MARCHF11: variants seen among roughly 807,000 people sequenced by gnomAD.
The protein encoded by MARCHF11 is membrane associated ring-CH-type finger 11.
Under a neutral mutation model 37.3 loss-of-function variants are expected in MARCHF11, and 29 were observed. That is an observed-to-expected ratio of 0.78 (90% CI 0.58 to 1.06). The LOEUF is 1.06. MARCHF11 is among the 50% of genes least tolerant of loss of function. The pLI is 0.00. For synonymous variants in MARCHF11, 233 were observed against 228.0 expected (o/e 1.02, Z -0.20); for missense variants, 482 against 533.4 (o/e 0.90, Z 0.95).
chr5:16,158,076 T>C (rs1446775408), intron 2 of MARCHF11, among the ~76,000 whole-genome samples: 1 of 151,878 alleles, frequency 6.6e-6, no homozygotes, highest in African/African-American at 2.4e-5. Context: ...ATATAAAAAA[T>C]GCCCAGCATT....
At chr5:16,089,362 C>G (rs1053555646) in intron 3 of MARCHF11, among the ~76,000 whole-genome samples, 2 of 152,092 alleles carry the variant, frequency 1.3e-5, no homozygotes, top group African/African-American at 2.4e-5. Context: ...TTTATTAGAG[C>G]AATGCCCTAG....
chr5:16,134,385 T>C (rs933724353), intron 2 of MARCHF11, among the ~76,000 whole-genome samples: 3 of 152,182 alleles, frequency 2.0e-5, no homozygotes, highest in African/African-American at 7.2e-5. Flanking sequence ...GTCTGATCTC[T>C]TATTGCCTTC....
At chr5:16,088,083 C>T (rs759380234) in intron 3 of MARCHF11, among the ~76,000 whole-genome samples, 2 of 152,244 alleles carry the variant, frequency 1.3e-5, no homozygotes, top group Admixed American at 6.5e-5. Context: ...GGGAGCCAAT[C>T]TCACATCTTC....
At chr5:16,100,934 T>C (rs1269396783) in intron 2 of MARCHF11, among the ~76,000 whole-genome samples, 1 of 152,178 alleles carries the variant, frequency 6.6e-6, no homozygotes, top group East Asian at 1.9e-4. Flanking sequence ...AAGAAGGTTA[T>C]GTCTAACTGA....
In MARCHF11 at chr5:16,084,614, G is replaced by A. The variant is rs1488583300; in HGVS notation, c.886+6275C>T. On this transcript the variant is annotated intron_variant, in intron 3 of 3. Coordinates refer to ENST00000332432, the MANE Select transcript of MARCHF11 (RefSeq NM_001102562.3). ...GCCAAGACCACGCCACTGCAATCCA[G>A]CCAGGGTGACAGAGCAAGACTCTGT... Among the ~76,000 whole-genome samples, 6 of 151,634 alleles carry A rather than the reference G, an allele frequency of 4.0e-5. No individual in the cohort carries two copies. In the East Asian group the frequency reaches 9.7e-4, roughly 25 times the overall value.
intron 2 of MARCHF11, among the ~76,000 whole-genome samples, chr5:16,168,150 A>C (rs926773930): frequency 6.6e-6 from 1 of 152,134 alleles, no homozygotes; most frequent in South Asian, 2.1e-4. Flanking sequence ...GTAGAGCTTT[A>C]TCATGTCCAA....
At chr5:16,100,520 G>T (rs542288917) in intron 2 of MARCHF11, among the ~76,000 whole-genome samples, 1 of 152,332 alleles carries the variant, frequency 6.6e-6, no homozygotes, top group South Asian at 2.1e-4. Flanking sequence ...AGAGCCCAGT[G>T]ATGTGGAGTG....
At chr5:16,122,972 T>G (rs1040494570) in intron 2 of MARCHF11, among the ~76,000 whole-genome samples, 1 of 152,192 alleles carries the variant, frequency 6.6e-6, no homozygotes, top group African/African-American at 2.4e-5. Context: ...CTTTCAGTGT[T>G]GATGCTGTGA....
At chr5:16,165,322 T>C (rs1366098312) in intron 2 of MARCHF11, among the ~76,000 whole-genome samples, 1 of 151,830 alleles carries the variant, frequency 6.6e-6, no homozygotes, top group Non-Finnish European at 1.5e-5. Context: ...ACAATGGCCA[T>C]ACACTCTGAA....
chr5:16,164,024 T>G (rs1579422000), intron 2 of MARCHF11, among the ~76,000 whole-genome samples: 1 of 152,180 alleles, frequency 6.6e-6, no homozygotes, highest in South Asian at 2.1e-4. Flanking sequence ...GGCTGGGCCC[T>G]CACCAGACAC....
At chr5:16,098,521 C>T (rs1447470829) in intron 2 of MARCHF11, among the ~76,000 whole-genome samples, 1 of 152,072 alleles carries the variant, frequency 6.6e-6, no homozygotes, top group African/African-American at 2.4e-5. Flanking sequence ...AATCCCAGCA[C>T]TTTGGGGAGG....
intron 2 of MARCHF11, among the ~76,000 whole-genome samples, chr5:16,094,028 T>A (rs765734036): frequency 2.0e-5 from 3 of 152,172 alleles, no homozygotes; most frequent in Non-Finnish European, 4.4e-5. Context: ...AAAATTAACA[T>A]CATTTTTGAA....
At chr5:16,151,622 G>C (rs944918443) in intron 2 of MARCHF11, among the ~76,000 whole-genome samples, 4 of 140,152 alleles carry the variant, frequency 2.9e-5, no homozygotes, top group Non-Finnish European at 4.6e-5. Flanking sequence ...GAGCATGTCT[G>C]TGTGTGTGTG....
At chr5:16,128,221 C>G (rs1365976390) in intron 2 of MARCHF11, among the ~76,000 whole-genome samples, 2 of 152,150 alleles carry the variant, frequency 1.3e-5, no homozygotes, top group African/African-American at 4.8e-5. Flanking sequence ...CACCACCAAA[C>G]AAGAAAAGGC....
At chr5:16,081,976 T>C (rs61510497) in intron 3 of MARCHF11, among the ~76,000 whole-genome samples, 4,138 of 152,244 alleles carry the variant, frequency 0.027, 172 homozygotes, top group African/African-American at 0.094. Flanking sequence ...TAACCAACTA[T>C]GATAATAATC....
chr5:16,142,884 CTTTTTTTTT>C (rs61225598), intron 2 of MARCHF11, among the ~76,000 whole-genome samples: 6 of 52,212 alleles, frequency 1.1e-4, no homozygotes, highest in Non-Finnish European at 1.5e-4. Flanking sequence ...CCACACCTGG[CTTTTTTTTT>C]TTTTTTTTTT....
intron 3 of MARCHF11, among the ~76,000 whole-genome samples, chr5:16,082,278 A>G (rs1323274080): frequency 2.0e-5 from 3 of 152,206 alleles, no homozygotes; most frequent in Non-Finnish European, 4.4e-5. Context: ...CTCTAAATGA[A>G]GCTGAGGCAT....
intron 2 of MARCHF11, among the ~76,000 whole-genome samples, chr5:16,091,570 T>C (rs1736791552): frequency 1.3e-5 from 2 of 152,186 alleles, no homozygotes; most frequent in African/African-American, 2.4e-5. Context: ...GAAAAAGTCA[T>C]TTAAGATAAC....
intron 3 of MARCHF11, among the ~76,000 whole-genome samples, chr5:16,068,488 G>A (rs1386202391): frequency 1.3e-5 from 2 of 152,150 alleles, no homozygotes; most frequent in Admixed American, 6.6e-5. Context: ...AACTAGTAGC[G>A]GTGGAGAGCA....
Sources: gnomAD v4.1 joint callset for allele counts (sites outside exome capture counted in the v4.1 genomes callset) on GRCh38, gnomAD v4.1.1 for gene constraint, MANE v1.5 for transcripts, NCBI Gene and HGNC (gene_info 2026-07-23, HGNC 2026-07-21) for gene names.